TMEM163: variants seen among roughly 807,000 people sequenced by gnomAD.
TMEM163 encodes the protein transmembrane protein 163.
Under a neutral mutation model 29.3 loss-of-function variants are expected in TMEM163, and 17 were observed. The ratio of observed to expected loss-of-function variants is 0.58; its 90% CI spans 0.40 to 0.87. TMEM163 has a LOEUF of 0.87. Ranked by LOEUF, TMEM163 falls within the 40% of genes least tolerant of loss-of-function variation. The pLI is 0.00. For synonymous variants in TMEM163, 157 were observed against 160.6 expected (o/e 0.98, Z 0.17); for missense variants, 303 against 381.5 (o/e 0.79, Z 1.71).
chr2:134,538,077 T>C (rs1680579864), intron 4 of TMEM163, among the ~76,000 whole-genome samples: 2 of 152,178 alleles, frequency 1.3e-5, no homozygotes, highest in Admixed American at 6.5e-5. Context: ...AAGCATTGAG[T>C]TACCATATAA....
At chr2:134,535,718 T>G (rs910593120) in intron 4 of TMEM163, among the ~76,000 whole-genome samples, 4 of 122,944 alleles carry the variant, frequency 3.3e-5, no homozygotes, top group African/African-American at 4.3e-5. Context: ...ATTTGTATGG[T>G]TTTTTTTTTT....
intron 3 of TMEM163, 92 bp downstream of exon 3, chr2:134,551,956 C>A: frequency 2.0e-6 from 2 of 1,007,554 alleles, no homozygotes. Flanking sequence ...CTCTCATACA[C>A]TAACCACCCT....
At chr2:134,588,813 A>T (rs568636386) in intron 2 of TMEM163, among the ~76,000 whole-genome samples, 1 of 152,178 alleles carries the variant, frequency 6.6e-6, no homozygotes, top group Admixed American at 6.5e-5. Flanking sequence ...GAAGGGCTAC[A>T]TGGAAGGATG....
intron 4 of TMEM163, among the ~76,000 whole-genome samples, chr2:134,539,739 A>G (rs1448089766): frequency 2.6e-5 from 4 of 152,346 alleles, no homozygotes; most frequent in African/African-American, 7.2e-5. Context: ...AACACACTGG[A>G]CAAAATCCGG....
intron 5 of TMEM163, among the ~76,000 whole-genome samples, chr2:134,489,062 G>A (rs902741738): frequency 5.9e-5 from 9 of 152,062 alleles, no homozygotes; most frequent in African/African-American, 1.2e-4. Context: ...CATAGTCTAC[G>A]ATCCAAAATC....
At chr2:134,712,408 T>C (rs1354183384) in intron 2 of TMEM163, among the ~76,000 whole-genome samples, 1 of 151,686 alleles carries the variant, frequency 6.6e-6, no homozygotes, top group Non-Finnish European at 1.5e-5. Flanking sequence ...ACTGAGAAAA[T>C]AGATCTTTCT....
chr2:134,559,244 G>A (rs1175537656), intron 2 of TMEM163, among the ~76,000 whole-genome samples: 1 of 151,974 alleles, frequency 6.6e-6, no homozygotes, highest in African/African-American at 2.4e-5. Context: ...CACCTGCCTG[G>A]CCCCTGTGGC....
intron 5 of TMEM163, among the ~76,000 whole-genome samples, chr2:134,474,999 T>C (rs1574159749): frequency 6.6e-6 from 1 of 152,132 alleles, no homozygotes; most frequent in Non-Finnish European, 1.5e-5. Context: ...ATTTTAAAAG[T>C]TATGTGTAAA....
chr2:134,501,673 G>A (rs1679700180), intron 5 of TMEM163, among the ~76,000 whole-genome samples: 1 of 152,202 alleles, frequency 6.6e-6, no homozygotes, highest in African/African-American at 2.4e-5. Context: ...GTCTGATGGA[G>A]GAGGAGGACG....
chr2:134,467,575 G>A (rs972794758), intron 5 of TMEM163: 11 of 152,066 alleles, frequency 7.2e-5, no homozygotes, highest in South Asian at 6.2e-4. Flanking sequence ...CAAAATACCC[G>A]ACTCCTCACG....
At chr2:134,718,494 G>T (rs983750000) in intron 1 of TMEM163, among the ~76,000 whole-genome samples, 4 of 152,238 alleles carry the variant, frequency 2.6e-5, no homozygotes, top group African/African-American at 9.6e-5. Flanking sequence ...GTCCAGGCGG[G>T]GTCGGCCTGA....
chr2:134,467,322 A>G (rs1338789137), intron 5 of TMEM163: 1 of 151,988 alleles, frequency 6.6e-6, no homozygotes, highest in Non-Finnish European at 1.5e-5. Flanking sequence ...AACAGACTCA[A>G]ATCTAACACA....
intron 1 of TMEM163, among the ~76,000 whole-genome samples, chr2:134,718,324 G>A (rs999464974): frequency 6.6e-6 from 1 of 152,220 alleles, no homozygotes. Flanking sequence ...CGGAGCCGCA[G>A]GGGACTACGG....
At chr2:134,628,046 T>C (rs557515953) in intron 2 of TMEM163, among the ~76,000 whole-genome samples, 41 of 152,272 alleles carry the variant, frequency 2.7e-4, no homozygotes, top group South Asian at 4.2e-4. Context: ...TGAAAAAATG[T>C]GGGGAAATGT....
chr2:134,527,950 G>A (rs549444895), intron 4 of TMEM163, among the ~76,000 whole-genome samples: 1 of 152,272 alleles, frequency 6.6e-6, no homozygotes, highest in Non-Finnish European at 1.5e-5. Flanking sequence ...AACCCAAGAA[G>A]AATGGTCAAT....
At chr2:134,583,968 T>C (rs555535609) in intron 2 of TMEM163, among the ~76,000 whole-genome samples, 2 of 152,324 alleles carry the variant, frequency 1.3e-5, no homozygotes, top group South Asian at 4.1e-4. Flanking sequence ...ATGTATTTTA[T>C]TTCTCACTCC....
At position 134,655,087 on chromosome 2, in the gene TMEM163, G is replaced by A. The variant is rs1314734224; in HGVS notation, c.322+58113C>T. ...TTCTCTGTATTTCCTGAATCTGAAC[G>A]TTGGCCTGCCTTGCTAGATTGGTGA... On this transcript the variant is annotated intron_variant, in intron 2 of 7. Transcript: ENST00000281924. Among the ~76,000 whole-genome samples the A allele has an allele frequency of 7.8e-5, 10 of 128,160 alleles. 1 individual carries two copies. In the South Asian group the frequency reaches 7.9e-4, roughly 10 times the overall value. 84.1% of individuals were successfully genotyped at this position (128,160 alleles called of 152,430 possible). A position where few individuals can be genotyped will look rare whatever the true frequency, so the allele number is the denominator to read the frequency against.
rs369606895 is a variant in TMEM163 at position 134,631,333 on chromosome 2, C to A, written c.323-79242G>T. Among the ~76,000 whole-genome samples, 25 of 152,154 alleles carry A rather than the reference C, an allele frequency of 1.6e-4. No homozygotes were observed. The South Asian group carries it at 3.7e-3, about 23-fold the overall frequency. On this transcript the variant is annotated intron_variant, in intron 2 of 7. Transcript: ENST00000281924. Reference sequence around the variant, plus strand: ...GGGTTCCTCAATCTCACACTAATGACTTTTTTTTCTTGTTCTGTTTTGTTT... The same window carrying A: ...GGGTTCCTCAATCTCACACTAATGAATTTTTTTTCTTGTTCTGTTTTGTTT...
chr2:134,583,265 T>C (rs1476012256), intron 2 of TMEM163, among the ~76,000 whole-genome samples: 1 of 152,172 alleles, frequency 6.6e-6, no homozygotes, highest in Non-Finnish European at 1.5e-5. Context: ...AAAATGGGAG[T>C]TCTACCTAAT....
Sources: gnomAD v4.1 joint callset for allele counts (sites outside exome capture counted in the v4.1 genomes callset) on GRCh38, gnomAD v4.1.1 for gene constraint, MANE v1.5 for transcripts, NCBI Gene and HGNC (gene_info 2026-07-23, HGNC 2026-07-21) for gene names.